TPPP2: variants seen among roughly 807,000 people sequenced by gnomAD.
TPPP2 encodes tubulin polymerization-promoting protein family member 2.
A neutral mutation model predicts 13.0 loss-of-function variants in TPPP2; 8 were observed. The ratio of observed to expected loss-of-function variants is 0.62; its 90% CI spans 0.36 to 1.11. The LOEUF (loss-of-function observed/expected upper bound fraction) is 1.11. Ranked by LOEUF, TPPP2 falls within the 50% of genes most tolerant of loss-of-function variation. The pLI is 0.02. For missense variants in TPPP2, 213 were observed against 216.9 expected, an observed-to-expected ratio of 0.98 and a Z score of 0.11; for synonymous variants, 81 against 81.8, an observed-to-expected ratio of 0.99 and a Z score of 0.05.
In TPPP2 at chr14:21,032,105, C is replaced by T; in HGVS notation, c.*28C>T. 6.2e-7 allele frequency: 1 copy of T among 1,603,400 alleles called. No individual in the cohort carries two copies. On this transcript the variant is annotated 3_prime_UTR_variant, in exon 4 of 4. Transcript: ENST00000321760. ...AGGAGCTTCATCTCAGCCTGCTAGCCCCCTGACCCTGCATGTTTAACACCA... is the reference window on the plus strand; with the variant it reads ...AGGAGCTTCATCTCAGCCTGCTAGCTCCCTGACCCTGCATGTTTAACACCA...
chr14:21,028,851 G>T (rs1594470737), upstream of TPPP2: 1 of 152,224 alleles, frequency 6.6e-6, no homozygotes, highest in East Asian at 1.9e-4. Context: ...GAAAGGCATA[G>T]ATTTGTAAGA....
At chr14:21,027,064 G>A (rs923658923), upstream of TPPP2, among the ~76,000 whole-genome samples, 1 of 152,296 alleles carries the variant, frequency 6.6e-6, no homozygotes, top group African/African-American at 2.4e-5. Flanking sequence ...GATGACTCAG[G>A]GGGAACCTGA....
chr14:21,032,835 T>A (rs1884318122), downstream of TPPP2: 1 of 417,346 alleles, frequency 2.4e-6, no homozygotes. Flanking sequence ...TATTAACTTT[T>A]TATTTTGAAT....
downstream of TPPP2, chr14:21,032,896 G>A (rs901992190): frequency 2.2e-6 from 1 of 454,220 alleles, no homozygotes; most frequent in African/African-American, 2.0e-5. Flanking sequence ...GGGGGCTCGT[G>A]TGCCCTTCAC....
At position 21,030,527 on chromosome 14, in the gene TPPP2, T is replaced by G; in HGVS notation, c.-55T>G. The G allele has an allele frequency of 6.4e-7, 1 of 1,560,866 alleles. No individual in the cohort carries two copies. The highest frequency in any genetic ancestry group is 8.7e-7 in the Non-Finnish European group (1 of 1,144,646). Reference sequence around the variant, plus strand: ...TTACTCCACAGTCCTCCCTCCCCCTTCTCCTTCACCCCCAAGTGTCTCCCA... The same window carrying G: ...TTACTCCACAGTCCTCCCTCCCCCTGCTCCTTCACCCCCAAGTGTCTCCCA... On this transcript the variant is annotated 5_prime_UTR_variant, in exon 2 of 4. Coordinates refer to ENST00000321760, the MANE Select transcript of TPPP2 (RefSeq NM_173846.5).
At chr14:21,033,175 G>A, downstream of TPPP2, 1 of 367,382 alleles carries the variant, frequency 2.7e-6, no homozygotes, top group Non-Finnish European at 5.3e-6. Flanking sequence ...TACGGTTGTT[G>A]GGAGTGTGGG....
chr14:21,027,505 T>C (rs574460531), upstream of TPPP2, among the ~76,000 whole-genome samples: 13 of 152,370 alleles, frequency 8.5e-5, no homozygotes, highest in East Asian at 1.4e-3. Context: ...GTAAGTCCTA[T>C]AGCAGTAGTT....
In TPPP2 at chr14:21,032,732, G is replaced by A. The variant is rs1425345004; in HGVS notation, c.*655G>A. ...ACTGCTAAGGGTAGCTCAGGAAGAT[G>A]GCCAGATGAGGCAGGCTGCCAGGAT... On this transcript the variant is annotated 3_prime_UTR_variant, in exon 4 of 4. Coordinates refer to ENST00000321760, the MANE Select transcript of TPPP2 (RefSeq NM_173846.5). The A allele has an allele frequency of 5.5e-6, 2 of 363,996 alleles. No homozygotes were observed. Among genetic ancestry groups the A allele is most frequent in the Non-Finnish European group, 5.3e-6 (1 of 187,740 alleles). 22.5% of individuals were successfully genotyped at this position (363,996 alleles called of 1,614,324 possible). A position where few individuals can be genotyped will look rare whatever the true frequency, so the allele number is the denominator to read the frequency against.
chr14:21,035,767 G>T (rs1233367457), downstream of TPPP2: 2 of 456,102 alleles, frequency 4.4e-6, no homozygotes, highest in African/African-American at 4.0e-5. Context: ...CCCATAACTT[G>T]TTTCTCTTCC....
chr14:21,025,117 G>T lies in TPPP2; in HGVS notation n.236+773G>T. The stretch of plus-strand genomic sequence containing the variant: ...CTTCCCGCAGACCCGCCCCCGGCCC[G>T]CCCCAGCCCGCCCACGGGCGCTAGG... On this transcript the variant is annotated intron_variant and non_coding_transcript_variant, in intron 1 of 1. Transcript: ENST00000533755. The surrounding 1 kb of genome is among the most constrained non-coding windows in gnomAD (Gnocchi z 5.1). 1 of 971,160 alleles carries T rather than the reference G, an allele frequency of 1.0e-6. No homozygotes were observed. The highest frequency in any genetic ancestry group is 1.2e-6 in the Non-Finnish European group (1 of 820,718). 60.2% of individuals were successfully genotyped at this position (971,160 alleles called of 1,614,324 possible).
At chr14:21,026,070 G>C (rs1401654794), upstream of TPPP2, among the ~76,000 whole-genome samples, 1 of 151,974 alleles carries the variant, frequency 6.6e-6, no homozygotes, top group Non-Finnish European at 1.5e-5. Flanking sequence ...CGCAATGCCC[G>C]GGGGATGGTC....
At position 21,030,295 on chromosome 14, in the gene TPPP2, G is replaced by C. The variant is rs1020903330; in HGVS notation, c.-79G>C. 5.4e-6 allele frequency: 2 copies of C among 371,524 alleles called. No individual in the cohort carries two copies. Among genetic ancestry groups the C allele is most frequent in the East Asian group, 5.0e-5 (1 of 19,948 alleles). 23.0% of individuals were successfully genotyped at this position (371,524 alleles called of 1,614,324 possible). On this transcript the variant is annotated 5_prime_UTR_variant, in exon 1 of 4. Coordinates refer to ENST00000321760, the MANE Select transcript of TPPP2 (RefSeq NM_173846.5). The stretch of plus-strand genomic sequence containing the variant: ...CGGGAAGGGTCAGACCACCATCCGG[G>C]TACTCTAAGGTACATAAAAGAGGTA...
downstream of TPPP2, chr14:21,033,984 A>G: frequency 1.9e-6 from 3 of 1,614,000 alleles, no homozygotes; most frequent in Non-Finnish European, 2.5e-6. Context: ...ATCCTGGGTG[A>G]GTGTGCAGTA....
chr14:21,036,307 A>T (rs778168239), downstream of TPPP2: 13 of 455,586 alleles, frequency 2.9e-5, no homozygotes, highest in South Asian at 1.9e-4. Context: ...TTCGTCTAAA[A>T]GTCTGCAATA....
chr14:21,025,127 G>T lies in TPPP2; in HGVS notation n.236+783G>T. On this transcript the variant is annotated intron_variant and non_coding_transcript_variant, in intron 1 of 1. Transcript: ENST00000533755. This position sits in a 1 kb window ranked among gnomAD's most constrained non-coding sequence, Gnocchi z 5.1. ...ACCCGCCCCCGGCCCGCCCCAGCCC[G>T]CCCACGGGCGCTAGGCTCCCCGCAG... The T allele has an allele frequency of 1.0e-6, 1 of 970,952 alleles. No homozygotes were observed. The highest frequency in any genetic ancestry group is 1.2e-6 in the Non-Finnish European group (1 of 821,266). 60.1% of individuals were successfully genotyped at this position (970,952 alleles called of 1,614,324 possible). A position where few individuals can be genotyped will look rare whatever the true frequency, so the allele number is the denominator to read the frequency against.
Position 21,025,200 on chromosome 14 carries a change from A to G in TPPP2, n.236+856A>G. On this transcript the variant is annotated intron_variant and non_coding_transcript_variant, in intron 1 of 1. Coordinates refer to the TPPP2 transcript ENST00000533755. The surrounding 1 kb of genome is among the most constrained non-coding windows in gnomAD (Gnocchi z 5.1). ...ACACGCCCCCCCTTTCACCCCGCCCAGACTGCCGCTCAGGAAAGGGTTGTG... is the reference window on the plus strand; with the variant it reads ...ACACGCCCCCCCTTTCACCCCGCCCGGACTGCCGCTCAGGAAAGGGTTGTG... The G allele has an allele frequency of 2.3e-6, 2 of 869,414 alleles. No homozygotes were observed. Among genetic ancestry groups the G allele is most frequent in the Non-Finnish European group, 2.8e-6 (2 of 725,010 alleles). The allele number at this position is 869,414 out of a possible 1,614,324, so 53.9% of individuals were successfully genotyped here.
At chr14:21,035,920 G>T, downstream of TPPP2, 1 of 439,912 alleles carries the variant, frequency 2.3e-6, no homozygotes, top group Non-Finnish European at 4.6e-6. Context: ...AACAGACCAG[G>T]AATTGAATCC....
Position 21,025,170 on chromosome 14 carries a change from A to G in TPPP2, n.236+826A>G. On this transcript the variant is annotated intron_variant and non_coding_transcript_variant, in intron 1 of 1. Transcript: ENST00000533755. The surrounding 1 kb of genome is among the most constrained non-coding windows in gnomAD (Gnocchi z 5.1). The stretch of plus-strand genomic sequence containing the variant: ...CCCCGCAGACCCGCCCCAGACCCCC[A>G]GTAAACACGCCCCCCCTTTCACCCC... The G allele has an allele frequency of 3.3e-6, 3 of 906,916 alleles. No individual in the cohort carries two copies. Among genetic ancestry groups the G allele is most frequent in the Non-Finnish European group, 3.9e-6 (3 of 759,940 alleles). 56.2% of individuals were successfully genotyped at this position (906,916 alleles called of 1,614,324 possible). A position where few individuals can be genotyped will look rare whatever the true frequency, so the allele number is the denominator to read the frequency against.
In TPPP2 at chr14:21,032,424, C is replaced by G; in HGVS notation, c.*347C>G. The G allele has an allele frequency of 4.7e-6, 2 of 429,730 alleles. No homozygotes were observed. The highest frequency in any genetic ancestry group is 1.8e-5 in the South Asian group (1 of 56,206). The allele number at this position is 429,730 out of a possible 1,614,324, so 26.6% of individuals were successfully genotyped here. A position where few individuals can be genotyped will look rare whatever the true frequency, so the allele number is the denominator to read the frequency against. On this transcript the variant is annotated 3_prime_UTR_variant, in exon 4 of 4. Coordinates refer to ENST00000321760, the MANE Select transcript of TPPP2 (RefSeq NM_173846.5). Reference sequence around the variant, plus strand: ...TGTGTTCACACATTACTGATATCCACCTCTCCACCCCCACCCCTCAAAAGG... The same window carrying G: ...TGTGTTCACACATTACTGATATCCAGCTCTCCACCCCCACCCCTCAAAAGG...
Sources: gnomAD v4.1 joint callset for allele counts (sites outside exome capture counted in the v4.1 genomes callset) on GRCh38, gnomAD v4.1.1 for gene constraint, Gnocchi (gnomAD v3.1) non-coding constraint, MANE v1.5 for transcripts, NCBI Gene and HGNC (gene_info 2026-07-23, HGNC 2026-07-21) for gene names.